Variants in RBFOX1 observed in about 807,000 individuals in gnomAD.
The protein encoded by RBFOX1 is RNA binding protein fox-1 homolog 1.
Under a neutral mutation model 57.7 loss-of-function variants are expected in RBFOX1, and 8 were observed. The observed-to-expected ratio is 0.14, with a 90% CI of 0.08 to 0.25. RBFOX1 has a LOEUF of 0.25. Among genes scored for constraint, RBFOX1 ranks in the 10% least tolerant of loss-of-function variants. The probability of loss-of-function intolerance (pLI) is 1.00; values close to 1 mark genes in which losing one functional copy is unlikely to be tolerated. For synonymous variants in RBFOX1, 326 were observed against 222.4 expected (o/e 1.47, Z -4.15); for missense variants, 611 against 548.5 (o/e 1.11, Z -1.14).
chr16:6,529,931 C>T (rs1378219256), intron 2 of RBFOX1, among the ~76,000 whole-genome samples: 1 of 152,158 alleles, frequency 6.6e-6, no homozygotes, highest in Non-Finnish European at 1.5e-5. Context: ...ATTGCATATT[C>T]TTCCCCTTCC....
intron 1 of RBFOX1, among the ~76,000 whole-genome samples, chr16:6,226,203 CA>C (rs543386716): frequency 0.62 from 62,219 of 100,128 alleles, 17,638 homozygotes; most frequent in Admixed American, 0.71. Context: ...ACTAAAAATA[CA>C]AAAAAAAAAA....
intron 3 of RBFOX1, among the ~76,000 whole-genome samples, chr16:6,896,749 T>C (rs1274789633): frequency 6.6e-6 from 1 of 152,182 alleles, no homozygotes; most frequent in Non-Finnish European, 1.5e-5. Flanking sequence ...GTCTGTGGAT[T>C]GCTCCCAAGA....
chr16:5,941,621 C>T (rs546744805), intron 4 of RBFOX1, among the ~76,000 whole-genome samples: 20 of 152,156 alleles, frequency 1.3e-4, no homozygotes, highest in Non-Finnish European at 2.5e-4. Flanking sequence ...AATATGTGCT[C>T]AATTAAAATG....
intron 3 of RBFOX1, among the ~76,000 whole-genome samples, chr16:7,016,925 T>C (rs1440330149): frequency 6.6e-6 from 1 of 152,172 alleles, no homozygotes; most frequent in African/African-American, 2.4e-5. Flanking sequence ...CTCACTGGCA[T>C]TTTGGTAAAT....
chr16:6,555,140 C>G lies in RBFOX1; in HGVS notation c.-63-99463C>G, dbSNP rs530742842. 2.8e-4 allele frequency among the ~76,000 whole-genome samples: 42 copies of G among 152,204 alleles called. 1 individual carries two copies. In the South Asian group the frequency reaches 7.9e-3, roughly 29 times the overall value. ...TTCTTATGTCTCATACTTTTTATGT[C>G]CAGTAGTGTCTGCATTTCTATCATA... On this transcript the variant is annotated intron_variant, in intron 2 of 15. Transcript: ENST00000550418.
chr16:7,160,371 T>A (rs1601456470), intron 4 of RBFOX1, among the ~76,000 whole-genome samples: 2 of 152,264 alleles, frequency 1.3e-5, no homozygotes, highest in South Asian at 4.1e-4. Context: ...AACCAGACTT[T>A]GTTTCTTCTT....
chr16:5,381,952 G>A (rs192758300), intron 1 of RBFOX1, among the ~76,000 whole-genome samples: 3 of 152,326 alleles, frequency 2.0e-5, no homozygotes. Flanking sequence ...GTGCTTGTGG[G>A]AGCTTTTGTG....
intron 4 of RBFOX1, among the ~76,000 whole-genome samples, chr16:7,316,482 C>T (rs1032741307): frequency 1.3e-5 from 2 of 152,164 alleles, no homozygotes; most frequent in Non-Finnish European, 2.9e-5. Context: ...CTCATTCATG[C>T]AGCACATCCT....
At chr16:5,930,202 A>AATGG (rs56153541) in intron 4 of RBFOX1, among the ~76,000 whole-genome samples, 19,553 of 111,876 alleles carry the variant, frequency 0.17, 2,263 homozygotes, top group Non-Finnish European at 0.19. Flanking sequence ...AAGAAAGAAG[A>AATGG]ATGGATGGAT....
intron 1 of RBFOX1, among the ~76,000 whole-genome samples, chr16:6,167,820 A>T (rs1431782193): frequency 6.6e-6 from 1 of 152,126 alleles, no homozygotes; most frequent in Non-Finnish European, 1.5e-5. Flanking sequence ...GGTGCCCCAT[A>T]GCAGGCATCT....
chr16:5,642,117 C>G (rs1046263587), intron 3 of RBFOX1, among the ~76,000 whole-genome samples: 1 of 152,134 alleles, frequency 6.6e-6, no homozygotes, highest in Non-Finnish European at 1.5e-5. Context: ...GGAGTTTATT[C>G]TGCCTGGCTG....
intron 4 of RBFOX1, among the ~76,000 whole-genome samples, chr16:7,262,800 C>A (rs1390116085): frequency 6.6e-6 from 1 of 152,232 alleles, no homozygotes; most frequent in Non-Finnish European, 1.5e-5. Context: ...GAATCCAATT[C>A]TTTTTCTAAG....
At chr16:7,175,281 T>C (rs9929810) in intron 4 of RBFOX1, among the ~76,000 whole-genome samples, 5,067 of 152,226 alleles carry the variant, frequency 0.033, 283 homozygotes, top group African/African-American at 0.12. Context: ...CTCCCACTTA[T>C]AAGTGAGAAC....
intron 1 of RBFOX1, among the ~76,000 whole-genome samples, chr16:5,306,479 C>T (rs945814995): frequency 7.9e-5 from 12 of 152,144 alleles, no homozygotes; most frequent in Admixed American, 3.9e-4. Context: ...GCCAACATGC[C>T]TGGCTAATTT....
At chr16:6,024,801 C>A (rs1043937621) in intron 1 of RBFOX1, among the ~76,000 whole-genome samples, 35 of 152,228 alleles carry the variant, frequency 2.3e-4, no homozygotes, top group African/African-American at 8.2e-4. Flanking sequence ...CCCCTACTTT[C>A]TATGAATTCC....
intron 4 of RBFOX1, among the ~76,000 whole-genome samples, chr16:7,359,688 A>G (rs772835898): frequency 2.0e-5 from 3 of 152,088 alleles, no homozygotes; most frequent in Non-Finnish European, 4.4e-5. Context: ...TTGAATCTCA[A>G]ATTTAACCAC....
At chr16:7,486,117 C>CTTTTTTTT (rs61448458) in intron 4 of RBFOX1, among the ~76,000 whole-genome samples, 16 of 77,334 alleles carry the variant, frequency 2.1e-4, no homozygotes, top group Non-Finnish European at 2.6e-4. Context: ...GTGTTTGTGT[C>CTTTTTTTT]TTTTTTTTTT....
At chr16:5,441,554 G>A (rs2068085161) in intron 1 of RBFOX1, among the ~76,000 whole-genome samples, 1 of 152,004 alleles carries the variant, frequency 6.6e-6, no homozygotes, top group Non-Finnish European at 1.5e-5. Context: ...TAGTAGAGAT[G>A]AGGTTTCACC....
At chr16:6,301,735 C>G (rs2078841773) in intron 1 of RBFOX1, among the ~76,000 whole-genome samples, 1 of 152,108 alleles carries the variant, frequency 6.6e-6, no homozygotes, top group Non-Finnish European at 1.5e-5. Flanking sequence ...TGCTCTGTAA[C>G]TTAATGCTCA....
Sources: allele counts gnomAD v4.1 joint callset (sites outside exome capture counted in the v4.1 genomes callset), GRCh38; gene constraint gnomAD v4.1.1; transcripts MANE v1.5; gene names NCBI Gene and HGNC (gene_info 2026-07-23, HGNC 2026-07-21).